The following SORT1 variants were observed in gnomAD, a reference collection of about 807,000 sequenced individuals.
The protein encoded by SORT1 is sortilin.
SORT1 carries 39 observed loss-of-function variants against 101.7 expected under a neutral mutation model. The observed-to-expected ratio is 0.38, with a 90% CI of 0.30 to 0.50. SORT1 has a LOEUF of 0.50. SORT1 is among the 20% of genes least tolerant of loss of function. SORT1 has a pLI of 0.90. For synonymous variants in SORT1, 396 were observed against 393.7 expected (o/e 1.01, Z -0.07); for missense variants, 878 against 1,040.4 (o/e 0.84, Z 2.15).
chr1:109,331,512 A>G (rs1648450729), intron 11 of SORT1, among the ~76,000 whole-genome samples: 1 of 152,228 alleles, frequency 6.6e-6, no homozygotes, highest in Admixed American at 6.5e-5. Flanking sequence ...TAAATTAGGT[A>G]TAAAAGGGAT....
intron 14 of SORT1, 38 bp from the exon 15 acceptor site, chr1:109,323,159 A>C (rs755452601): frequency 5.3e-6 from 8 of 1,503,784 alleles, no homozygotes; most frequent in Non-Finnish European, 7.3e-6. Flanking sequence ...AGTACACAGC[A>C]CAGAACCCAC....
chr1:109,343,670 A>C (rs1289413771), intron 8 of SORT1, among the ~76,000 whole-genome samples: 1 of 151,892 alleles, frequency 6.6e-6, no homozygotes, highest in Non-Finnish European at 1.5e-5. Flanking sequence ...TTTTTTTGAG[A>C]CAGAGTCTCA....
intron 5 of SORT1, among the ~76,000 whole-genome samples, chr1:109,352,525 G>A (rs1650038135): frequency 6.6e-6 from 1 of 152,170 alleles, no homozygotes; most frequent in Non-Finnish European, 1.5e-5. Context: ...GTGGAGATGG[G>A]ACAGAGATGT....
intron 13 of SORT1, among the ~76,000 whole-genome samples, chr1:109,325,918 T>C (rs1647975956): frequency 1.3e-5 from 2 of 152,042 alleles, no homozygotes; most frequent in Admixed American, 6.6e-5. Context: ...CAAGAATCAT[T>C]TGAACCTGGG....
rs1288965555 is a variant in SORT1, at chr1:109,340,889, G to A, written c.1109-10C>T. 1 of 1,599,862 alleles carries A rather than the reference G, an allele frequency of 6.3e-7. No homozygotes were observed. Among genetic ancestry groups the A allele is most frequent in the African/African-American group, 1.3e-5 (1 of 74,468 alleles). ...GTGCCAAACCCAGTGTCTGAAATAG[G>A]CAAACAAACAAAAATACTAAGTCTT... On this transcript the variant is annotated splice_polypyrimidine_tract_variant and intron_variant, in intron 9 of 19. Coordinates refer to ENST00000256637, the MANE Select transcript of SORT1 (RefSeq NM_002959.7).
intron 16 of SORT1, among the ~76,000 whole-genome samples, chr1:109,317,297 G>A (rs533016250): frequency 3.4e-4 from 52 of 152,148 alleles, no homozygotes; most frequent in Admixed American, 1.2e-3. Context: ...AATGAGGCCC[G>A]TCTAGAGCAG....
intron 15 of SORT1, among the ~76,000 whole-genome samples, chr1:109,318,255 C>T (rs565068980): frequency 4.0e-5 from 6 of 151,754 alleles, no homozygotes; most frequent in Admixed American, 6.6e-5. Flanking sequence ...CGGCTTCAAG[C>T]GACTCTCCTG....
At chr1:109,390,822 C>A (rs1445256469) in intron 1 of SORT1, among the ~76,000 whole-genome samples, 3 of 150,934 alleles carry the variant, frequency 2.0e-5, no homozygotes, top group Non-Finnish European at 2.9e-5. Flanking sequence ...TTAGGACATA[C>A]AGGAAGACTA....
intron 1 of SORT1, among the ~76,000 whole-genome samples, chr1:109,386,321 A>G (rs1474284175): frequency 6.6e-6 from 1 of 152,202 alleles, no homozygotes; most frequent in Non-Finnish European, 1.5e-5. Context: ...AAACTTCTAT[A>G]AATGAAACTG....
In SORT1 at chr1:109,327,728, T is replaced by C. The variant is rs532821395; in HGVS notation, c.1372-127A>G. On this transcript the variant is annotated intron_variant, in intron 11 of 19. Transcript: ENST00000256637. ...ACCTAGGTAAAAGTACTATCTTAAC[T>C]ATTTATTTACTATTTAGGTGTATAG... 16 of 526,722 alleles carry C rather than the reference T, an allele frequency of 3.0e-5. No homozygotes were observed. In the Middle Eastern group the frequency reaches 1.8e-3, roughly 58 times the overall value. The allele number at this position is 526,722 out of a possible 1,614,324, so 32.6% of individuals were successfully genotyped here.
intron 3 of SORT1, among the ~76,000 whole-genome samples, chr1:109,361,014 C>CT (rs1650692346): frequency 6.6e-6 from 1 of 152,210 alleles, no homozygotes; most frequent in Non-Finnish European, 1.5e-5. Flanking sequence ...ATGCTAATCT[C>CT]TTTATCAAAT....
intron 1 of SORT1, among the ~76,000 whole-genome samples, chr1:109,380,474 G>A (rs1187377432): frequency 1.3e-5 from 2 of 151,920 alleles, no homozygotes; most frequent in Admixed American, 1.3e-4. Flanking sequence ...TTTGTAACAT[G>A]ACAAAGTATT....
chr1:109,368,962 G>C (rs919847634), intron 2 of SORT1, among the ~76,000 whole-genome samples: 1 of 152,168 alleles, frequency 6.6e-6, no homozygotes, highest in Non-Finnish European at 1.5e-5. Flanking sequence ...TGCTCATCTT[G>C]ATGCTAAGCA....
chr1:109,327,282 G>C, intron 12 of SORT1, 122 bp from the exon 13 acceptor site: 1 of 995,362 alleles, frequency 1.0e-6, no homozygotes, highest in African/African-American at 1.6e-5. Flanking sequence ...TCTTTTAGTA[G>C]GAAAGAAAAC....
chr1:109,359,316 A>C (rs1231689635), intron 3 of SORT1, among the ~76,000 whole-genome samples: 1 of 151,950 alleles, frequency 6.6e-6, no homozygotes, highest in African/African-American at 2.4e-5. Context: ...CGAAGGTCCC[A>C]CCTCCTAATA....
intron 1 of SORT1, among the ~76,000 whole-genome samples, chr1:109,372,957 G>A (rs1332896738): frequency 6.6e-6 from 1 of 151,458 alleles, no homozygotes; most frequent in Non-Finnish European, 1.5e-5. Flanking sequence ...TCGGGAGGCT[G>A]AGGCAGAGAA....
chr1:109,390,774 T>C (rs1652860580), intron 1 of SORT1, among the ~76,000 whole-genome samples: 1 of 131,754 alleles, frequency 7.6e-6, no homozygotes, highest in Non-Finnish European at 1.6e-5. Context: ...TGTGTGTATG[T>C]GTGTGTGTGT....
chr1:109,373,217 TCAGGCA>T (rs1217373675), intron 1 of SORT1, among the ~76,000 whole-genome samples: 1 of 152,146 alleles, frequency 6.6e-6, no homozygotes, highest in Non-Finnish European at 1.5e-5. Context: ...GGAGAGAATT[TCAGGCA>T]CAGTGCAGGG....
At chr1:109,327,438 C>T in intron 12 of SORT1, 61 bp downstream of exon 12, 1 of 1,053,536 alleles carries the variant, frequency 9.5e-7, no homozygotes, top group South Asian at 1.5e-5. Flanking sequence ...AGCCTGTTGG[C>T]TGAGTTTCAG....
Sources: allele counts gnomAD v4.1 joint callset (sites outside exome capture counted in the v4.1 genomes callset), GRCh38; gene constraint gnomAD v4.1.1; transcripts MANE v1.5; gene names NCBI Gene and HGNC (gene_info 2026-07-23, HGNC 2026-07-21).